Variants in GPC3 observed in about 807,000 individuals in gnomAD.
GPC3 encodes glypican 3.
Under a neutral mutation model 34.4 loss-of-function variants are expected in GPC3, and 3 were observed. The ratio of observed to expected loss-of-function variants is 0.09; its 90% CI spans 0.04 to 0.23. GPC3 has a LOEUF of 0.23. Ranked by LOEUF, GPC3 falls within the 10% of genes least tolerant of loss-of-function variation. The probability of loss-of-function intolerance (pLI) is 1.00; values close to 1 mark genes in which losing one functional copy is unlikely to be tolerated. For synonymous variants in GPC3, 177 were observed against 174.0 expected (o/e 1.02, Z -0.13); for missense variants, 351 against 445.6 (o/e 0.79, Z 1.91).
At chrX:133,635,888 A>G (rs1476037904) in intron 6 of GPC3, among the ~76,000 whole-genome samples, 1 of 110,872 alleles carries the variant, frequency 9.0e-6, no homozygotes, top group Admixed American at 9.7e-5. Context: ...GAGGCTGTCT[A>G]CTTTCCAGAA....
At chrX:133,665,351 A>T (rs17000463) in intron 5 of GPC3, among the ~76,000 whole-genome samples, 1,509 of 111,930 alleles carry the variant, frequency 0.013, 24 homozygotes, top group African/African-American at 0.045. Flanking sequence ...TGAAAATTAG[A>T]TAGGGCATTA....
At chrX:133,611,122 C>T (rs1308562137) in intron 6 of GPC3, among the ~76,000 whole-genome samples, 1 of 108,302 alleles carries the variant, frequency 9.2e-6, no homozygotes, top group Non-Finnish European at 1.9e-5. Context: ...GTTTAAGTTC[C>T]AGTAGGGGAA....
chrX:133,704,243 AT>A, intron 3 of GPC3: 1 of 1,098,908 alleles, frequency 9.1e-7, no homozygotes, highest in Non-Finnish European at 1.2e-6. Context: ...AAGATAGGAT[AT>A]TTGAAGTGCC....
At chrX:133,890,508 AG>A (rs1236219078) in intron 2 of GPC3, among the ~76,000 whole-genome samples, 1 of 110,653 alleles carries the variant, frequency 9.0e-6, no homozygotes, top group African/African-American at 3.3e-5. Flanking sequence ...CCTTGAGCCT[AG>A]GAACTCAAGA....
intron 2 of GPC3, among the ~76,000 whole-genome samples, chrX:133,841,860 G>A (rs1295923690): frequency 8.9e-6 from 1 of 111,851 alleles, no homozygotes; most frequent in East Asian, 2.8e-4. Flanking sequence ...AAAGAGAGAT[G>A]GGCCTGGCCT....
intron 2 of GPC3, among the ~76,000 whole-genome samples, chrX:133,912,092 A>G (rs1404151095): frequency 8.9e-6 from 1 of 112,491 alleles, no homozygotes; most frequent in Non-Finnish European, 1.9e-5. Flanking sequence ...ATCAGCTGTT[A>G]TGAATACTAA....
chrX:133,623,912 A>G lies in GPC3; in HGVS notation c.1414-27313T>C, dbSNP rs1038299913. Among the ~76,000 whole-genome samples, 4 of 111,838 alleles carry G rather than the reference A, an allele frequency of 3.6e-5. No homozygotes were observed. In the East Asian group the frequency reaches 1.1e-3, roughly 31 times the overall value. ...AAAATTGACCACATAGTTGGAAGTAAAGCACTCCTCAGCAAATATAAAAGA... is the reference window on the plus strand; with the variant it reads ...AAAATTGACCACATAGTTGGAAGTAGAGCACTCCTCAGCAAATATAAAAGA... On this transcript the variant is annotated intron_variant, in intron 6 of 7. Transcript: ENST00000370818.
At chrX:133,760,981 TA>T (rs1469484797) in intron 2 of GPC3, among the ~76,000 whole-genome samples, 1 of 110,915 alleles carries the variant, frequency 9.0e-6, no homozygotes, top group Non-Finnish European at 1.9e-5. Flanking sequence ...TTTTTTTTTT[TA>T]AAAACTAGAT....
At chrX:133,591,180 G>A (rs771395796) in intron 7 of GPC3, among the ~76,000 whole-genome samples, 3 of 111,775 alleles carry the variant, frequency 2.7e-5, no homozygotes, top group Admixed American at 9.5e-5. Context: ...AACATATTCC[G>A]AGCCATGCTC....
chrX:133,557,194 T>G (rs1018507712), intron 7 of GPC3, among the ~76,000 whole-genome samples: 2 of 110,399 alleles, frequency 1.8e-5, no homozygotes, highest in African/African-American at 6.6e-5. Context: ...CTGGGGAGGC[T>G]GAGGCAGGAG....
chrX:133,920,292 C>A (rs1415018467), intron 2 of GPC3, among the ~76,000 whole-genome samples: 1 of 111,796 alleles, frequency 8.9e-6, no homozygotes, highest in African/African-American at 3.2e-5. Context: ...GGCACAGACA[C>A]CACACACTGC....
chrX:133,886,852 T>A (rs956126321), intron 2 of GPC3, among the ~76,000 whole-genome samples: 2 of 112,931 alleles, frequency 1.8e-5, no homozygotes, highest in African/African-American at 6.4e-5. Context: ...AATCTGCTGA[T>A]GGATATTTAG....
At chrX:133,752,848 CT>C (rs2071679533) in intron 3 of GPC3, among the ~76,000 whole-genome samples, 2 of 111,992 alleles carry the variant, frequency 1.8e-5, no homozygotes, top group African/African-American at 6.5e-5. Context: ...TTTGAAGTCA[CT>C]ACTCAAAATG....
At chrX:133,601,663 CTT>C (rs2069982680) in intron 6 of GPC3, among the ~76,000 whole-genome samples, 1 of 112,126 alleles carries the variant, frequency 8.9e-6, no homozygotes, top group Non-Finnish European at 1.9e-5. Context: ...TCACATAACT[CTT>C]TCCATATTTT....
intron 1 of GPC3, among the ~76,000 whole-genome samples, chrX:133,973,203 T>G (rs946775989): frequency 8.9e-6 from 1 of 111,948 alleles, no homozygotes; most frequent in African/African-American, 3.2e-5. Flanking sequence ...CCAGACTATA[T>G]CCCTTCCTCT....
chrX:133,877,256 T>C (rs1022887971), intron 2 of GPC3, among the ~76,000 whole-genome samples: 4 of 111,905 alleles, frequency 3.6e-5, no homozygotes, highest in African/African-American at 1.3e-4. Context: ...AAGGCCATGG[T>C]TGCATTAAGT....
intron 7 of GPC3, among the ~76,000 whole-genome samples, chrX:133,539,674 A>G (rs1233187610): frequency 1.8e-5 from 2 of 112,391 alleles, no homozygotes; most frequent in East Asian, 5.6e-4. Context: ...CCTGTGTTCC[A>G]TAAGCTATGG....
intron 6 of GPC3, among the ~76,000 whole-genome samples, chrX:133,643,958 G>C (rs926501756): frequency 9.2e-6 from 1 of 108,447 alleles, no homozygotes; most frequent in Non-Finnish European, 1.9e-5. Context: ...CTCCCGAGTA[G>C]CTGGGATTAC....
chrX:133,702,714 T>C (rs1159955415), intron 3 of GPC3, among the ~76,000 whole-genome samples: 4 of 111,397 alleles, frequency 3.6e-5, no homozygotes, highest in Admixed American at 9.6e-5. Context: ...CCACCCAATA[T>C]AGTATTATCA....
Sources: allele counts gnomAD v4.1 joint callset (sites outside exome capture counted in the v4.1 genomes callset), GRCh38; gene constraint gnomAD v4.1.1; transcripts MANE v1.5; gene names NCBI Gene and HGNC (gene_info 2026-07-23, HGNC 2026-07-21).